Variants in ANKH observed in about 807,000 individuals in gnomAD.
ANKH encodes mineralization regulator ANKH.
A neutral mutation model predicts 49.0 loss-of-function variants in ANKH; 15 were observed. The ratio of observed to expected loss-of-function variants is 0.31; its 90% CI spans 0.20 to 0.47. The LOEUF (loss-of-function observed/expected upper bound fraction) is 0.47, where lower values mean the gene tolerates loss of function less well. Among genes scored for constraint, ANKH ranks in the 20% least tolerant of loss-of-function variants. ANKH has a pLI of 1.00. For missense variants in ANKH, 429 were observed against 652.0 expected (o/e 0.66, Z 3.72); for synonymous variants, 273 against 260.0 (o/e 1.05, Z -0.48).
intron 1 of ANKH, among the ~76,000 whole-genome samples, chr5:14,800,041 T>G (rs555163054): frequency 6.6e-6 from 1 of 151,942 alleles, no homozygotes; most frequent in Admixed American, 6.6e-5. Context: ...TTAACAGTCG[T>G]TTGGAAGAAG....
chr5:14,808,554 C>T (rs1410064247), intron 1 of ANKH, among the ~76,000 whole-genome samples: 2 of 152,176 alleles, frequency 1.3e-5, no homozygotes, highest in Non-Finnish European at 2.9e-5. Flanking sequence ...CACTTGAGCC[C>T]AGGAGTTCAA....
intron 4 of ANKH, among the ~76,000 whole-genome samples, chr5:14,753,049 G>A (rs697572): frequency 0.18 from 27,826 of 152,076 alleles, 2,728 homozygotes; most frequent in African/African-American, 0.23. Flanking sequence ...ACAGGTTCCT[G>A]AGGAAGCAGC....
chr5:14,740,440 A>G (rs1738318245), intron 8 of ANKH, among the ~76,000 whole-genome samples: 3 of 151,842 alleles, frequency 2.0e-5, no homozygotes, highest in Admixed American at 2.0e-4. Flanking sequence ...TGCCTGGGGA[A>G]CCGGCCCCGC....
At chr5:14,730,601 G>A (rs1737964753) in intron 8 of ANKH, among the ~76,000 whole-genome samples, 1 of 152,206 alleles carries the variant, frequency 6.6e-6, no homozygotes. Flanking sequence ...CCAGTCTCTT[G>A]CAGGTCTCCC....
At position 14,791,226 on chromosome 5, in the gene ANKH, G is replaced by A. The variant is rs142214255; in HGVS notation, c.97-22035C>T. 1.9e-3 allele frequency among the ~76,000 whole-genome samples: 294 copies of A among 152,268 alleles called. 1 individual carries two copies. Among genetic ancestry groups the A allele is most frequent in the Middle Eastern group, 6.8e-3 (2 of 294 alleles). On this transcript the variant is annotated intron_variant, in intron 1 of 11. Coordinates refer to ENST00000284268, the MANE Select transcript of ANKH (RefSeq NM_054027.6). ...TCTTAGGCCCCTTCGGGTGCCTGGA[G>A]AGGGATGTGAAGAACCTTAACTCTG...
intron 1 of ANKH, chr5:14,870,753 T>G: frequency 1.5e-5 from 2 of 133,118 alleles, no homozygotes; most frequent in African/African-American, 3.2e-5. Context: ...TCTTTAGTGG[T>G]CCATGAAAAA....
chr5:14,707,289 G>A lies in ANKH; in HGVS notation c.*3908C>T, dbSNP rs1216878406. 3 of 71,774 alleles carry A rather than the reference G, an allele frequency of 4.2e-5. No homozygotes were observed. The highest frequency in any genetic ancestry group is 6.8e-5 in the African/African-American group (2 of 29,334). The allele number at this position is 71,774 out of a possible 1,614,324, so 4.4% of individuals were successfully genotyped here. On this transcript the variant is annotated 3_prime_UTR_variant, in exon 12 of 12. Transcript: ENST00000284268. ...CACACGCACACTCGCACTTCAGTTT[G>A]AAGGGGGAAAAAAAAAAACCAGTCA...
At chr5:14,819,598 ACTCAT>A (rs1458568221) in intron 1 of ANKH, among the ~76,000 whole-genome samples, 1 of 152,084 alleles carries the variant, frequency 6.6e-6, no homozygotes, top group African/African-American at 2.4e-5. Context: ...GGGCACGGTG[ACTCAT>A]GCCTGTAATC....
intron 1 of ANKH, among the ~76,000 whole-genome samples, chr5:14,791,291 T>G (rs1414051932): frequency 1.3e-5 from 2 of 152,102 alleles, no homozygotes; most frequent in African/African-American, 2.4e-5. Context: ...GGTGGCCATG[T>G]TGACCCAAAC....
chr5:14,742,832 C>T (rs772709076), intron 7 of ANKH, among the ~76,000 whole-genome samples: 7 of 152,250 alleles, frequency 4.6e-5, no homozygotes, highest in South Asian at 2.1e-4. Flanking sequence ...AGGCGCCTGC[C>T]GAGGCTCTCC....
chr5:14,772,258 T>C (rs1739470290), intron 1 of ANKH, among the ~76,000 whole-genome samples: 1 of 152,212 alleles, frequency 6.6e-6, no homozygotes, highest in South Asian at 2.1e-4. Flanking sequence ...CACAGCTGGC[T>C]GGCAGAATGA....
intron 1 of ANKH, among the ~76,000 whole-genome samples, chr5:14,823,121 T>G (rs1741243554): frequency 6.6e-6 from 1 of 152,178 alleles, no homozygotes; most frequent in South Asian, 2.1e-4. Flanking sequence ...TAACACTAAA[T>G]AAAACCAAAC....
intron 1 of ANKH, among the ~76,000 whole-genome samples, chr5:14,814,670 T>C (rs1205211935): frequency 6.6e-6 from 1 of 152,226 alleles, no homozygotes; most frequent in African/African-American, 2.4e-5. Context: ...AGATGCTTTT[T>C]ATTTTATTTC....
At chr5:14,815,262 G>A (rs1263452485) in intron 1 of ANKH, among the ~76,000 whole-genome samples, 4 of 152,150 alleles carry the variant, frequency 2.6e-5, no homozygotes, top group Admixed American at 1.3e-4. Flanking sequence ...CGATTTTTCT[G>A]CATATGAGGA....
intron 1 of ANKH, among the ~76,000 whole-genome samples, chr5:14,780,280 C>T (rs981259587): frequency 2.0e-5 from 3 of 152,154 alleles, no homozygotes; most frequent in Non-Finnish European, 2.9e-5. Context: ...TGGTGGCTCA[C>T]GTCTGTAATC....
chr5:14,749,598 C>A (rs1015216645), intron 5 of ANKH, among the ~76,000 whole-genome samples: 1 of 152,218 alleles, frequency 6.6e-6, no homozygotes, highest in Non-Finnish European at 1.5e-5. Flanking sequence ...GAATCTCTAA[C>A]CAAGGTAGAA....
At chr5:14,815,047 G>A (rs982315915) in intron 1 of ANKH, among the ~76,000 whole-genome samples, 9 of 152,174 alleles carry the variant, frequency 5.9e-5, no homozygotes, top group Non-Finnish European at 1.3e-4. Context: ...CCAGCATTGT[G>A]TCTCTGCGCT....
chr5:14,730,815 G>A (rs976653497), intron 8 of ANKH, among the ~76,000 whole-genome samples: 8 of 152,180 alleles, frequency 5.3e-5, no homozygotes, highest in Middle Eastern at 3.2e-3. Flanking sequence ...TGCCAGCTGC[G>A]CCTTCCAAGA....
At chr5:14,800,808 C>G (rs1324460674) in intron 1 of ANKH, among the ~76,000 whole-genome samples, 3 of 150,910 alleles carry the variant, frequency 2.0e-5, no homozygotes, top group Non-Finnish European at 4.4e-5. Flanking sequence ...CTCACTGCAG[C>G]CTTGACCTCC....
Sources: gnomAD v4.1 joint callset for allele counts (sites outside exome capture counted in the v4.1 genomes callset) on GRCh38, gnomAD v4.1.1 for gene constraint, MANE v1.5 for transcripts, NCBI Gene and HGNC (gene_info 2026-07-23, HGNC 2026-07-21) for gene names.